The following CACNA1C variants were observed in gnomAD, a reference collection of about 807,000 sequenced individuals.
CACNA1C encodes the protein calcium voltage-gated channel subunit alpha1 C, also known as voltage-dependent L-type calcium channel subunit alpha-1C.
A neutral mutation model predicts 229.0 loss-of-function variants in CACNA1C; 30 were observed. That is an observed-to-expected ratio of 0.13 (90% CI 0.10 to 0.18). The LOEUF is 0.18. Ranked by LOEUF, CACNA1C falls within the 10% of genes least tolerant of loss-of-function variation. CACNA1C has a pLI of 1.00. For missense variants in CACNA1C, 1,658 were observed against 2,845.0 expected (o/e 0.58, Z 9.49); for synonymous variants, 1,114 against 1,132.5 (o/e 0.98, Z 0.33).
chr12:2,272,841 A>T (rs577903532), intron 3 of CACNA1C, among the ~76,000 whole-genome samples: 2 of 152,372 alleles, frequency 1.3e-5, no homozygotes, highest in East Asian at 3.8e-4. Context: ...ACATGTTCGT[A>T]GGCCCAGGAT....
intron 29 of CACNA1C, among the ~76,000 whole-genome samples, chr12:2,627,475 G>A (rs949406101): frequency 8.6e-5 from 13 of 151,934 alleles, no homozygotes; most frequent in Admixed American, 5.2e-4. Flanking sequence ...TCCTCTCCCC[G>A]GTTCATTCGG....
chr12:2,231,908 TTGTC>T (rs2065270377), intron 3 of CACNA1C, among the ~76,000 whole-genome samples: 1 of 152,204 alleles, frequency 6.6e-6, no homozygotes, highest in Admixed American at 6.5e-5. Context: ...ACTGCTTAGT[TTGTC>T]TTTTTATTTT....
chr12:2,602,420 T>TGTGTAAGTGTGGG lies in CACNA1C; in HGVS notation c.2960+466_2960+478dup. On this transcript the variant is annotated intron_variant, in intron 22 of 46. Coordinates refer to ENST00000399655, the MANE Select transcript of CACNA1C (RefSeq NM_000719.7). The surrounding 1 kb of genome is among the most constrained non-coding windows in gnomAD (Gnocchi z 4.4). The stretch of plus-strand genomic sequence containing the variant: ...GTGTGAATGTGTGTATATATATGTC[T>TGTGTAAGTGTGGG]GTGTAAGTGTGGGGTGTATGTGTGC... Among the ~76,000 whole-genome samples, 1 of 152,094 alleles carries TGTGTAAGTGTGGG rather than the reference T, an allele frequency of 6.6e-6. No homozygotes were observed. The highest frequency in any genetic ancestry group is 1.9e-4 in the East Asian group (1 of 5,194).
At chr12:2,306,924 G>C (rs866639044) in intron 3 of CACNA1C, among the ~76,000 whole-genome samples, 1 of 152,166 alleles carries the variant, frequency 6.6e-6, no homozygotes, top group Admixed American at 6.5e-5. Context: ...AACTAGTAGC[G>C]TCCATTGGCT....
At chr12:2,230,529 G>C (rs2064734600) in intron 3 of CACNA1C, among the ~76,000 whole-genome samples, 1 of 152,220 alleles carries the variant, frequency 6.6e-6, no homozygotes, top group African/African-American at 2.4e-5. Flanking sequence ...GAACAGAAGG[G>C]AATGCTGGCT....
intron 13 of CACNA1C, among the ~76,000 whole-genome samples, chr12:2,578,071 T>C (rs2059165687): frequency 6.6e-6 from 1 of 151,744 alleles, no homozygotes; most frequent in Non-Finnish European, 1.5e-5. Flanking sequence ...GGTTTCACCG[T>C]GTTAGCCAGG....
At chr12:2,361,398 T>C (rs376456468) in intron 3 of CACNA1C, among the ~76,000 whole-genome samples, 3 of 152,284 alleles carry the variant, frequency 2.0e-5, no homozygotes, top group African/African-American at 7.2e-5. Flanking sequence ...TGGACGATGA[T>C]AGAGATAAAC....
chr12:2,562,924 A>C (rs1381141391), intron 11 of CACNA1C, among the ~76,000 whole-genome samples: 1 of 152,228 alleles, frequency 6.6e-6, no homozygotes, highest in East Asian at 1.9e-4. Context: ...ATATGCAATA[A>C]ATTATCATGA....
chr12:2,443,857 T>C (rs1380258345), intron 3 of CACNA1C, among the ~76,000 whole-genome samples: 1 of 152,212 alleles, frequency 6.6e-6, no homozygotes, highest in African/African-American at 2.4e-5. Context: ...GCTGTCTTGC[T>C]TGTTTTTGTT....
At chr12:2,485,808 G>A (rs768459033) in intron 5 of CACNA1C, among the ~76,000 whole-genome samples, 1 of 152,090 alleles carries the variant, frequency 6.6e-6, no homozygotes, top group Admixed American at 6.5e-5. Context: ...TGTAAGATGG[G>A]GTATTACACA....
At chr12:2,379,139 CCCTTT>C (rs2098162835) in intron 3 of CACNA1C, among the ~76,000 whole-genome samples, 1 of 152,184 alleles carries the variant, frequency 6.6e-6, no homozygotes, top group Non-Finnish European at 1.5e-5. Flanking sequence ...TTGGCAATGT[CCCTTT>C]GACAGAACCG....
intron 1 of CACNA1C, among the ~76,000 whole-genome samples, chr12:2,005,915 A>C (rs2043325659): frequency 6.6e-6 from 1 of 152,252 alleles, no homozygotes; most frequent in Non-Finnish European, 1.5e-5. Flanking sequence ...AAGAATATCC[A>C]CAATTGTCTG....
chr12:2,044,276 T>C (rs1455269630), intron 1 of CACNA1C, among the ~76,000 whole-genome samples: 1 of 152,170 alleles, frequency 6.6e-6, no homozygotes, highest in Non-Finnish European at 1.5e-5. Flanking sequence ...TGACTGGAAG[T>C]GTCCTGCCAT....
At chr12:2,172,176 G>A (rs908630888) in intron 3 of CACNA1C, among the ~76,000 whole-genome samples, 5 of 152,204 alleles carry the variant, frequency 3.3e-5, no homozygotes, top group Non-Finnish European at 7.3e-5. Context: ...AGTACACACA[G>A]GACCTGAAGC....
chr12:2,048,700 T>C (rs2051514373), upstream of CACNA1C: 1 of 152,324 alleles, frequency 6.6e-6, no homozygotes, highest in Non-Finnish European at 1.5e-5. Context: ...CCTTGCAGAC[T>C]TGATGGGAGA....
At chr12:2,477,399 C>T (rs149000426) in intron 5 of CACNA1C, among the ~76,000 whole-genome samples, 22 of 152,308 alleles carry the variant, frequency 1.4e-4, no homozygotes, top group Non-Finnish European at 8.8e-5. Context: ...ACTTAGAAGC[C>T]CTCCAGGTGG....
intron 9 of CACNA1C, among the ~76,000 whole-genome samples, chr12:2,543,529 A>G (rs1262474224): frequency 6.6e-6 from 1 of 152,264 alleles, no homozygotes; most frequent in Non-Finnish European, 1.5e-5. Flanking sequence ...TAATAGGAAC[A>G]CAAACACCAT....
intron 3 of CACNA1C, among the ~76,000 whole-genome samples, chr12:2,179,774 A>G (rs1215246574): frequency 1.3e-5 from 2 of 152,222 alleles, no homozygotes; most frequent in African/African-American, 4.8e-5. Flanking sequence ...TGGCTGTTCA[A>G]TGGATATATG....
At chr12:2,464,161 C>T (rs2099534604) in intron 5 of CACNA1C, among the ~76,000 whole-genome samples, 1 of 152,128 alleles carries the variant, frequency 6.6e-6, no homozygotes, top group African/African-American at 2.4e-5. Flanking sequence ...GCAACCTAGA[C>T]TTGATCTGAT....
Sources: allele counts gnomAD v4.1 joint callset (sites outside exome capture counted in the v4.1 genomes callset), GRCh38; gene constraint gnomAD v4.1.1; non-coding constraint Gnocchi (gnomAD v3.1); transcripts MANE v1.5; gene names NCBI Gene and HGNC (gene_info 2026-07-23, HGNC 2026-07-21).